Variants in CEP112 observed in about 807,000 individuals in gnomAD.
CEP112 encodes centrosomal protein 112, also known as centrosomal protein of 112 kDa.
In CEP112, 127 loss-of-function variants were observed where a neutral mutation model predicts 153.0. That is an observed-to-expected ratio of 0.83 (90% CI 0.72 to 0.96). The LOEUF (loss-of-function observed/expected upper bound fraction) is 0.96. CEP112 is among the 40% of genes least tolerant of loss of function. The pLI, the probability that CEP112 is intolerant of heterozygous loss-of-function variation, is 0.00. For missense variants in CEP112, 1,089 were observed against 1,101.2 expected (o/e 0.99, Z 0.16); for synonymous variants, 358 against 374.4 (o/e 0.96, Z 0.51).
chr17:65,701,594 C>T (rs184039324), intron 23 of CEP112, among the ~76,000 whole-genome samples: 116 of 152,288 alleles, frequency 7.6e-4, no homozygotes, highest in Non-Finnish European at 1.2e-3. Context: ...TGCCTAGTGA[C>T]GACTCCTATA....
intron 16 of CEP112, among the ~76,000 whole-genome samples, chr17:66,008,233 T>C (rs2064357820): frequency 6.6e-6 from 1 of 152,100 alleles, no homozygotes; most frequent in Non-Finnish European, 1.5e-5. Context: ...ATTCATATCA[T>C]ACATATACTT....
At chr17:65,715,813 G>A (rs1440504029) in intron 23 of CEP112, among the ~76,000 whole-genome samples, 1 of 152,098 alleles carries the variant, frequency 6.6e-6, no homozygotes, top group African/African-American at 2.4e-5. Flanking sequence ...TCCAGGAGGT[G>A]GTTATCAGAG....
At chr17:65,805,622 T>C (rs1329093544) in intron 21 of CEP112, among the ~76,000 whole-genome samples, 1 of 152,234 alleles carries the variant, frequency 6.6e-6, no homozygotes, top group Non-Finnish European at 1.5e-5. Context: ...ATATTGAGAT[T>C]ACATTTTAGT....
At position 66,191,594 on chromosome 17, in the gene CEP112, G is replaced by T. The variant is rs2073166363; in HGVS notation, c.-9+403C>A. On this transcript the variant is annotated intron_variant, in intron 1 of 26. Transcript: ENST00000535342. The surrounding 1 kb of genome is among the most constrained non-coding windows in gnomAD (Gnocchi z 4.2). ...TTCTGGGACGGAATTGAAAACTCCA[G>T]CGGTGCCGTTCCTGGCAGTCCCTTC... 1 of 152,804 alleles carries T rather than the reference G, an allele frequency of 6.5e-6. No individual in the cohort carries two copies. The highest frequency in any genetic ancestry group is 1.5e-5 in the Non-Finnish European group (1 of 68,230). 9.5% of individuals were successfully genotyped at this position (152,804 alleles called of 1,614,324 possible).
intron 23 of CEP112, among the ~76,000 whole-genome samples, chr17:65,724,687 A>G (rs1357975463): frequency 6.6e-6 from 1 of 152,190 alleles, no homozygotes; most frequent in Non-Finnish European, 1.5e-5. Flanking sequence ...GTCTCAACCT[A>G]TACATGTAAA....
chr17:66,013,629 G>A (rs1248701355), intron 16 of CEP112, among the ~76,000 whole-genome samples: 2 of 152,156 alleles, frequency 1.3e-5, no homozygotes, highest in South Asian at 2.1e-4. Flanking sequence ...TTCCTGGTCC[G>A]ATGGCCACAA....
rs189757669 is a variant in CEP112, at chr17:65,841,726, T to A, written c.2394+10078A>T. On this transcript the variant is annotated intron_variant, in intron 21 of 26. Coordinates refer to ENST00000535342, the MANE Select transcript of CEP112 (RefSeq NM_001199165.4). ...AATTTTTCTGATTTGATCACAACAC[T>A]TTGCAAGAATGTATAAAAATCTCAC... 3.2e-3 allele frequency among the ~76,000 whole-genome samples: 480 copies of A among 152,152 alleles called. 3 individuals carry two copies. Among genetic ancestry groups the A allele is most frequent in the African/African-American group, 0.011 (456 of 41,542 alleles).
At chr17:65,654,056 C>CAAAAAA (rs773433478) in intron 24 of CEP112, among the ~76,000 whole-genome samples, 131 of 26,466 alleles carry the variant, frequency 4.9e-3, no homozygotes, top group East Asian at 5.7e-3. Flanking sequence ...AAGACTCCAT[C>CAAAAAA]AAAAAAAAAA....
At chr17:65,706,111 T>G (rs1166406159) in intron 23 of CEP112, among the ~76,000 whole-genome samples, 1 of 152,190 alleles carries the variant, frequency 6.6e-6, no homozygotes, top group Non-Finnish European at 1.5e-5. Flanking sequence ...TTTGGGTATG[T>G]TTGAAAATTT....
intron 8 of CEP112, among the ~76,000 whole-genome samples, chr17:66,093,570 C>T (rs1333117880): frequency 6.6e-6 from 1 of 151,020 alleles, no homozygotes; most frequent in Non-Finnish European, 1.5e-5. Context: ...AACAATCCCT[C>T]TCTTACTAGG....
intron 23 of CEP112, among the ~76,000 whole-genome samples, chr17:65,712,305 A>G (rs942727716): frequency 6.6e-6 from 1 of 152,216 alleles, no homozygotes; most frequent in African/African-American, 2.4e-5. Flanking sequence ...TTTCTTCTGT[A>G]ATTCATGGCT....
At chr17:66,119,915 C>G (rs1224492584) in intron 6 of CEP112, among the ~76,000 whole-genome samples, 1 of 152,138 alleles carries the variant, frequency 6.6e-6, no homozygotes, top group African/African-American at 2.4e-5. Flanking sequence ...TTGTTTTCAC[C>G]ATTATAATAG....
intron 19 of CEP112, among the ~76,000 whole-genome samples, chr17:65,924,453 A>G (rs2060848604): frequency 6.6e-6 from 1 of 152,182 alleles, no homozygotes; most frequent in Non-Finnish European, 1.5e-5. Flanking sequence ...TTTTGGAACA[A>G]TAGAACATAT....
At chr17:65,723,603 T>C (rs1195928989) in intron 23 of CEP112, among the ~76,000 whole-genome samples, 1 of 152,078 alleles carries the variant, frequency 6.6e-6, no homozygotes, top group East Asian at 1.9e-4. Flanking sequence ...ATATAAAAGA[T>C]GGGAAAAAAG....
At chr17:65,848,178 T>A (rs1479514911) in intron 21 of CEP112, among the ~76,000 whole-genome samples, 2 of 152,232 alleles carry the variant, frequency 1.3e-5, no homozygotes, top group African/African-American at 4.8e-5. Context: ...CTCCTGCTGC[T>A]CTTTGGAACT....
chr17:65,766,540 T>C (rs1413864278), intron 21 of CEP112, among the ~76,000 whole-genome samples: 3 of 152,038 alleles, frequency 2.0e-5, no homozygotes, highest in Non-Finnish European at 2.9e-5. Flanking sequence ...TCCTTAAATG[T>C]CAATAATTAC....
intron 4 of CEP112, among the ~76,000 whole-genome samples, chr17:66,151,679 G>T (rs1412773512): frequency 6.6e-6 from 1 of 152,188 alleles, no homozygotes; most frequent in African/African-American, 2.4e-5. Context: ...GGAAAAAACT[G>T]AGAGAAACTT....
intron 19 of CEP112, among the ~76,000 whole-genome samples, chr17:65,926,487 C>T (rs958589574): frequency 6.6e-6 from 1 of 152,034 alleles, no homozygotes; most frequent in Non-Finnish European, 1.5e-5. Context: ...CTGAGGTGGG[C>T]AGATCACCTG....
chr17:65,642,397 C>T (rs2045192873), intron 24 of CEP112, among the ~76,000 whole-genome samples: 1 of 152,114 alleles, frequency 6.6e-6, no homozygotes. Flanking sequence ...GTCTTTAAGA[C>T]CGAACTTTTC....
Sources: allele counts gnomAD v4.1 joint callset (sites outside exome capture counted in the v4.1 genomes callset), GRCh38; gene constraint gnomAD v4.1.1; non-coding constraint Gnocchi (gnomAD v3.1); transcripts MANE v1.5; gene names NCBI Gene and HGNC (gene_info 2026-07-23, HGNC 2026-07-21).